Variants in PRDM16 observed in about 807,000 individuals in gnomAD.
PRDM16 encodes the protein histone-lysine N-methyltransferase PRDM16.
A neutral mutation model predicts 110.6 loss-of-function variants in PRDM16; 23 were observed. The ratio of observed to expected loss-of-function variants is 0.21; its 90% CI spans 0.15 to 0.29. The LOEUF (loss-of-function observed/expected upper bound fraction) is 0.29. Ranked by LOEUF, PRDM16 falls within the 10% of genes least tolerant of loss-of-function variation. The pLI, the probability that PRDM16 is intolerant of heterozygous loss-of-function variation, is 1.00. For missense variants in PRDM16, 1,615 were observed against 1,794.3 expected (o/e 0.90, Z 1.81); for synonymous variants, 799 against 781.8 (o/e 1.02, Z -0.37).
At chr1:3,098,375 A>C (rs908808402) in intron 1 of PRDM16, among the ~76,000 whole-genome samples, 1 of 152,110 alleles carries the variant, frequency 6.6e-6, no homozygotes, top group Non-Finnish European at 1.5e-5. Flanking sequence ...GGGGTTGCGG[A>C]GTGGCGAGCT....
At chr1:3,266,059 C>A (rs1243144119) in intron 3 of PRDM16, among the ~76,000 whole-genome samples, 2 of 152,182 alleles carry the variant, frequency 1.3e-5, no homozygotes, top group Non-Finnish European at 2.9e-5. Flanking sequence ...CGGTGTGCGG[C>A]CGGTCGCTTA....
rs1642127605 is a variant in PRDM16, at chr1:3,335,602, A to ACACACACACAC, written c.439-49550_439-49549insCACACACACAC. On this transcript the variant is annotated intron_variant, in intron 3 of 16. Transcript: ENST00000270722. ...AAATCTAACCTTTGGCTGAGGTTAA[A>ACACACACACAC]ACACACACACACACACACACACACA... 3.5e-5 allele frequency among the ~76,000 whole-genome samples: 5 copies of ACACACACACAC among 144,326 alleles called. No homozygotes were observed. In the East Asian group the frequency reaches 1.1e-3, roughly 31 times the overall value. 94.7% of individuals were successfully genotyped at this position (144,326 alleles called of 152,430 possible).
At chr1:3,181,552 G>GGTCTTACA (rs755533699) in intron 1 of PRDM16, among the ~76,000 whole-genome samples, 788 of 27,332 alleles carry the variant, frequency 0.029, 76 homozygotes, top group Middle Eastern at 0.12. Flanking sequence ...TCTTACACAC[G>GGTCTTACA]CAGTCTTACA....
intron 6 of PRDM16, among the ~76,000 whole-genome samples, chr1:3,403,347 A>G (rs1192803698): frequency 6.6e-6 from 1 of 152,228 alleles, no homozygotes; most frequent in Non-Finnish European, 1.5e-5. Flanking sequence ...AACTCAGGCC[A>G]GAGCCCAGAC....
chr1:3,113,407 G>T (rs1241876308), intron 1 of PRDM16, among the ~76,000 whole-genome samples: 1 of 152,062 alleles, frequency 6.6e-6, no homozygotes, highest in East Asian at 1.9e-4. Context: ...AGCTGGGCAG[G>T]GGAGGGCGTG....
chr1:3,194,033 C>T (rs998677647), intron 2 of PRDM16, among the ~76,000 whole-genome samples: 25 of 152,230 alleles, frequency 1.6e-4, no homozygotes, highest in African/African-American at 2.2e-4. Flanking sequence ...TCCTAATTTA[C>T]GGCCTGGGCC....
intron 3 of PRDM16, among the ~76,000 whole-genome samples, chr1:3,298,777 GA>G (rs1641143797): frequency 6.6e-6 from 1 of 152,178 alleles, no homozygotes; most frequent in South Asian, 2.1e-4. Context: ...GGAGCTGTAG[GA>G]GTCGTAGACC....
At chr1:3,091,335 C>T (rs1642271646) in intron 1 of PRDM16, among the ~76,000 whole-genome samples, 1 of 152,168 alleles carries the variant, frequency 6.6e-6, no homozygotes, top group African/African-American at 2.4e-5. Flanking sequence ...CAGCACTGGA[C>T]TTGACTTAAG....
chr1:3,223,927 T>G (rs1639229290), intron 2 of PRDM16, among the ~76,000 whole-genome samples: 1 of 152,256 alleles, frequency 6.6e-6, no homozygotes, highest in Admixed American at 6.5e-5. Flanking sequence ...CAACCCCATC[T>G]GAGGCGTCTC....
intron 3 of PRDM16, among the ~76,000 whole-genome samples, chr1:3,352,483 C>T (rs535918201): frequency 1.8e-4 from 27 of 152,330 alleles, no homozygotes; most frequent in East Asian, 3.9e-4. Flanking sequence ...TTCCGCCCTC[C>T]GCTCTATCAT....
rs1343849443 is a variant in PRDM16, at chr1:3,269,862, A to AGTCCCAGAGAATGACAGGGAGGAGGAC, written c.438+25725_438+25726insGTCCCAGAGAATGACAGGGAGGAGGAC. Among the ~76,000 whole-genome samples, 396 of 140,094 alleles carry AGTCCCAGAGAATGACAGGGAGGAGGAC rather than the reference A, an allele frequency of 2.8e-3. 8 individuals carry two copies. The highest frequency in any genetic ancestry group is 4.5e-3 in the Middle Eastern group (1 of 224). The allele number at this position is 140,094 out of a possible 152,430, so 91.9% of individuals were successfully genotyped here. On this transcript the variant is annotated intron_variant, in intron 3 of 16. Coordinates refer to ENST00000270722, the MANE Select transcript of PRDM16 (RefSeq NM_022114.4). The stretch of plus-strand genomic sequence containing the variant: ...AGAGGATGAAAGTCCCAGAGGAGGA[A>AGTCCCAGAGAATGACAGGGAGGAGGAC]AGTCCCAGAGGAGGAAAGTCCCAGA...
At chr1:3,076,838 T>A (rs994989677) in intron 1 of PRDM16, among the ~76,000 whole-genome samples, 1 of 152,196 alleles carries the variant, frequency 6.6e-6, no homozygotes, top group African/African-American at 2.4e-5. Context: ...TTACTTAGGT[T>A]TGGTTTTCTC....
At chr1:3,084,405 G>C (rs537092072) in intron 1 of PRDM16, among the ~76,000 whole-genome samples, 2 of 152,216 alleles carry the variant, frequency 1.3e-5, no homozygotes, top group African/African-American at 4.8e-5. Flanking sequence ...CTCGGCGGCC[G>C]GAGAGAGCCT....
At position 3,186,188 on chromosome 1, in the gene PRDM16, C is replaced by T. The variant is rs779535977; in HGVS notation, c.101C>T (p.Ala34Val). Reference protein sequence around the residue: ...PNRDLLASHSAEDEAEDSAMS... With the variant: ...PNRDLLASHSVEDEAEDSAMS... ...CGGGACCTGCTGGCCAGCCACAGCG[C>T]GGAGGACGAGGCCGAGGACAGTGCC... Residue 34 changes from alanine (A) to valine (V), a missense_variant, in exon 2 of 17, where the codon GCG (alanine) becomes GTG (valine). Coordinates refer to ENST00000270722, the MANE Select transcript of PRDM16 (RefSeq NM_022114.4). The T allele has an allele frequency of 1.8e-5, 29 of 1,612,862 alleles. No individual in the cohort carries two copies. The highest frequency in any genetic ancestry group is 2.2e-5 in the East Asian group (1 of 44,884).
chr1:3,272,991 C>G (rs1252023550), intron 3 of PRDM16, among the ~76,000 whole-genome samples: 1 of 152,224 alleles, frequency 6.6e-6, no homozygotes, highest in African/African-American at 2.4e-5. Flanking sequence ...TCCTGGGGGG[C>G]TTACCTGAGG....
chr1:3,351,272 ACT>A (rs1286131941), intron 3 of PRDM16, among the ~76,000 whole-genome samples: 1 of 151,584 alleles, frequency 6.6e-6, no homozygotes, highest in African/African-American at 2.4e-5. Flanking sequence ...GGTGGAAAAG[ACT>A]CTGTTTGGCA....
At chr1:3,362,727 C>G (rs1332900092) in intron 3 of PRDM16, among the ~76,000 whole-genome samples, 1 of 152,180 alleles carries the variant, frequency 6.6e-6, no homozygotes, top group Admixed American at 6.5e-5. Flanking sequence ...GAGGCTGTCA[C>G]AAAGCCGGCC....
At chr1:3,420,565 A>G (rs912481698) in intron 12 of PRDM16, among the ~76,000 whole-genome samples, 1 of 152,242 alleles carries the variant, frequency 6.6e-6, no homozygotes, top group African/African-American at 2.4e-5. Flanking sequence ...CTTCCGTTTA[A>G]GTCCTTGCCT....
At chr1:3,193,362 G>A (rs913274842) in intron 2 of PRDM16, among the ~76,000 whole-genome samples, 2 of 152,242 alleles carry the variant, frequency 1.3e-5, no homozygotes, top group African/African-American at 4.8e-5. Flanking sequence ...AGATCTCCAG[G>A]CTGCCTCATG....
Sources: allele counts gnomAD v4.1 joint callset (sites outside exome capture counted in the v4.1 genomes callset), GRCh38; gene constraint gnomAD v4.1.1; transcripts MANE v1.5; gene names NCBI Gene and HGNC (gene_info 2026-07-23, HGNC 2026-07-21).